The following TRPM8 variants were observed in gnomAD, a reference collection of about 807,000 sequenced individuals.
TRPM8 encodes transient receptor potential cation channel subfamily M member 8.
TRPM8 carries 110 observed loss-of-function variants against 133.7 expected under a neutral mutation model. The ratio of observed to expected loss-of-function variants is 0.82; its 90% CI spans 0.70 to 0.96. The LOEUF is 0.96. Among genes scored for constraint, TRPM8 ranks in the 40% least tolerant of loss-of-function variants. The pLI, the probability that TRPM8 is intolerant of heterozygous loss-of-function variation, is 0.00. For synonymous variants in TRPM8, 535 were observed against 532.3 expected (o/e 1.01, Z -0.07); for missense variants, 1,291 against 1,379.5 (o/e 0.94, Z 1.02).
At chr2:233,930,516 C>A in intron 2 of TRPM8, 152 bp from the exon 3 acceptor site, 1 of 527,054 alleles carries the variant, frequency 1.9e-6, no homozygotes, top group Non-Finnish European at 3.2e-6. Context: ...ATTTTGTATA[C>A]TCTAAAGGCA....
chr2:233,943,267 C>T (rs916462312), intron 6 of TRPM8, among the ~76,000 whole-genome samples: 1 of 152,052 alleles, frequency 6.6e-6, no homozygotes. Flanking sequence ...CCACTCCCCC[C>T]ACTCCCCAAC....
At chr2:234,008,177 A>C in intron 24 of TRPM8, 74 bp downstream of exon 24, 1 of 1,412,218 alleles carries the variant, frequency 7.1e-7, no homozygotes, top group Non-Finnish European at 9.7e-7. Flanking sequence ...GCTAGAGGCC[A>C]GTAGTTGTGA....
At chr2:233,986,218 T>C (rs1692145994) in intron 21 of TRPM8, among the ~76,000 whole-genome samples, 1 of 152,244 alleles carries the variant, frequency 6.6e-6, no homozygotes, top group Non-Finnish European at 1.5e-5. Context: ...AAGTGCCTTA[T>C]ATGTTATGGG....
chr2:233,995,287 T>C (rs1692375911), intron 21 of TRPM8, among the ~76,000 whole-genome samples: 1 of 152,256 alleles, frequency 6.6e-6, no homozygotes, highest in South Asian at 2.1e-4. Flanking sequence ...TTAAGCAGAC[T>C]GCTGGAACAG....
At chr2:234,004,599 C>G (rs987806839) in intron 22 of TRPM8, among the ~76,000 whole-genome samples, 1 of 152,174 alleles carries the variant, frequency 6.6e-6, no homozygotes, top group Admixed American at 6.5e-5. Context: ...ACTTTTGGTA[C>G]TTTTTTTGGT....
rs1691579314 is a variant in TRPM8, at chr2:233,927,847, C to CCTTTCTCTTTCTTT, written c.117+1196_117+1197insTCTCTTTCTTTCTT. On this transcript the variant is annotated intron_variant, in intron 2 of 25. Coordinates refer to ENST00000324695, the MANE Select transcript of TRPM8 (RefSeq NM_024080.5). ...TCCTTCCTTCCTTCCTTCCTTCCTT[C>CCTTTCTCTTTCTTT]CTTCCTTTCTTTCTCTTTCTTTCTT... Among the ~76,000 whole-genome samples the CCTTTCTCTTTCTTT allele has an allele frequency of 6.3e-5, 3 of 47,890 alleles. 1 individual carries two copies. The highest frequency in any genetic ancestry group is 3.8e-4 in the African/African-American group (3 of 7,900). 31.4% of individuals were successfully genotyped at this position (47,890 alleles called of 152,430 possible).
chr2:233,970,356 C>A lies in TRPM8; in HGVS notation c.2285C>A (p.Ser762Ter). 1.2e-6 allele frequency: 2 copies of A among 1,614,118 alleles called. No individual in the cohort carries two copies. The highest frequency in any genetic ancestry group is 1.7e-6 in the Non-Finnish European group (2 of 1,180,022). ...FAYVLLMDFHSVPHPPELVLY... is the reference protein window; with the variant it reads ...FAYVLLMDFH ...TACGTGCTGCTCATGGATTTCCATT[C>A]GGTGCCACACCCCCCCGAGCTGGTC... The change falls in exon 17 of 26, where the codon TCG becomes TAG. Residue 762 changes from serine (S) to a stop codon, truncating the protein, a stop_gained. Transcript: ENST00000324695. LOFTEE classifies it high-confidence loss of function.
At position 233,989,447 on chromosome 2, in the gene TRPM8, G is replaced by A. The variant is rs758948257; in HGVS notation, c.2939+3582G>A. 1.3e-5 allele frequency among the ~76,000 whole-genome samples: 2 copies of A among 152,170 alleles called. No individual in the cohort carries two copies. Among genetic ancestry groups the A allele is most frequent in the Non-Finnish European group, 2.9e-5 (2 of 68,038 alleles). ...TTGGGGAACCTCCTCGATTAGCTCC[G>A]GCTTAAACCAGAGGCCTTTTCCTGG... On this transcript the variant is annotated intron_variant, in intron 21 of 25. Transcript: ENST00000324695. The surrounding 1 kb of genome is among the most constrained non-coding windows in gnomAD (Gnocchi z 4.2).
At chr2:233,974,053 G>A (rs1052366096) in intron 17 of TRPM8, among the ~76,000 whole-genome samples, 4 of 152,210 alleles carry the variant, frequency 2.6e-5, no homozygotes, top group Admixed American at 6.5e-5. Context: ...TTTTGCAAGA[G>A]GGAGGGGCTG....
Position 234,014,642 on chromosome 2 carries a change from T to C in TRPM8, c.*30T>C. The C allele has an allele frequency of 7.7e-7, 1 of 1,296,184 alleles. No homozygotes were observed. The highest frequency in any genetic ancestry group is 1.1e-6 in the Non-Finnish European group (1 of 937,964). 80.3% of individuals were successfully genotyped at this position (1,296,184 alleles called of 1,614,324 possible). A position where few individuals can be genotyped will look rare whatever the true frequency, so the allele number is the denominator to read the frequency against. On this transcript the variant is annotated 3_prime_UTR_variant, in exon 25 of 26. Transcript: ENST00000324695. Reference sequence around the variant, plus strand: ...GTATGAACTCTAATGGAGAAAAATCTAATTATAGCAAGGTGAGTCATTCTA... The same window carrying C: ...GTATGAACTCTAATGGAGAAAAATCCAATTATAGCAAGGTGAGTCATTCTA...
intron 6 of TRPM8, among the ~76,000 whole-genome samples, chr2:233,943,825 G>T (rs971999094): frequency 3.9e-5 from 6 of 152,330 alleles, no homozygotes; most frequent in African/African-American, 1.2e-4. Flanking sequence ...CCACATTTAA[G>T]CTACACCTTC....
At chr2:233,970,565 C>A in intron 17 of TRPM8, 139 bp downstream of exon 17, 2 of 792,240 alleles carry the variant, frequency 2.5e-6, no homozygotes, top group South Asian at 1.6e-5. Context: ...GGGTGCTAGT[C>A]CATGAGTGTG....
At position 233,927,786 on chromosome 2, in the gene TRPM8, CTTTCT is replaced by C. The variant is rs1294670361; in HGVS notation, c.117+1140_117+1144del. Among the ~76,000 whole-genome samples, 114 of 33,778 alleles carry C rather than the reference CTTTCT, an allele frequency of 3.4e-3. 4 individuals are homozygous for C. The highest frequency in any genetic ancestry group is 5.8e-3 in the East Asian group (3 of 516). The allele number at this position is 33,778 out of a possible 152,430, so 22.2% of individuals were successfully genotyped here. ...TCTTTCTTTCTTTCTTTCTTTCTTT[CTTTCT>C]TTTCTTTCCTTCCTTCCTTCCTTCC... On this transcript the variant is annotated intron_variant, in intron 2 of 25. Coordinates refer to ENST00000324695, the MANE Select transcript of TRPM8 (RefSeq NM_024080.5).
At chr2:234,000,086 G>GATTGATTGATTT (rs10659716) in intron 22 of TRPM8, among the ~76,000 whole-genome samples, 2 of 144,266 alleles carry the variant, frequency 1.4e-5, no homozygotes, top group East Asian at 4.1e-4. Flanking sequence ...CAATGTGGAT[G>GATTGATTGATTT]ATTTATTTAT....
intron 24 of TRPM8, among the ~76,000 whole-genome samples, chr2:234,011,555 A>G (rs560085533): frequency 2.0e-5 from 3 of 152,194 alleles, no homozygotes; most frequent in Non-Finnish European, 2.9e-5. Context: ...TTTGAGTAGA[A>G]TGGATATTTT....
chr2:233,996,317 C>G lies in TRPM8; in HGVS notation c.2940-9C>G. 1 of 1,613,494 alleles carries G rather than the reference C, an allele frequency of 6.2e-7. No individual in the cohort carries two copies. The highest frequency in any genetic ancestry group is 1.3e-5 in the African/African-American group (1 of 75,020). ...TGCTAAGTCTTGGCCTTCTCTCTTC[C>G]CTCACCAGCTACACGGTGGGCACCG... On this transcript the variant is annotated splice_polypyrimidine_tract_variant and intron_variant, in intron 21 of 25. Coordinates refer to ENST00000324695, the MANE Select transcript of TRPM8 (RefSeq NM_024080.5).
chr2:233,973,062 G>A (rs1177315808), intron 17 of TRPM8, among the ~76,000 whole-genome samples: 1 of 152,232 alleles, frequency 6.6e-6, no homozygotes. Flanking sequence ...TCATGTCAGT[G>A]TTGAACAGCA....
chr2:233,980,317 T>C lies in TRPM8; in HGVS notation c.2447+38T>C, dbSNP rs201835895. The C allele has an allele frequency of 3.5e-6, 5 of 1,422,268 alleles. No homozygotes were observed. In the South Asian group the frequency reaches 6.3e-5, roughly 18 times the overall value. 88.1% of individuals were successfully genotyped at this position (1,422,268 alleles called of 1,614,324 possible). On this transcript the variant is annotated intron_variant, in intron 18 of 25. Coordinates refer to ENST00000324695, the MANE Select transcript of TRPM8 (RefSeq NM_024080.5). ...ATCACTTTTCCTAATTTTCTGTGTT[T>C]TGACTACAAAAGTGGAGAAAAGCTC...
At chr2:234,015,289 G>C (rs1015592205) in intron 25 of TRPM8, among the ~76,000 whole-genome samples, 1 of 151,066 alleles carries the variant, frequency 6.6e-6, no homozygotes, top group Non-Finnish European at 1.5e-5. Flanking sequence ...GAAACCAAAT[G>C]TTAGGAATGT....
Sources: allele counts gnomAD v4.1 joint callset (sites outside exome capture counted in the v4.1 genomes callset), GRCh38; gene constraint gnomAD v4.1.1; non-coding constraint Gnocchi (gnomAD v3.1); transcripts MANE v1.5; gene names NCBI Gene and HGNC (gene_info 2026-07-23, HGNC 2026-07-21).